The following GTF2IRD1 variants were observed in gnomAD, a reference collection of about 807,000 sequenced individuals.
GTF2IRD1 encodes the protein general transcription factor II-I repeat domain-containing protein 1.
GTF2IRD1 carries 26 observed loss-of-function variants against 113.2 expected under a neutral mutation model. The observed-to-expected ratio is 0.23, with a 90% CI of 0.17 to 0.32. The LOEUF (loss-of-function observed/expected upper bound fraction) is 0.32. Among genes scored for constraint, GTF2IRD1 ranks in the 10% least tolerant of loss-of-function variants. The probability of loss-of-function intolerance (pLI) is 1.00; values close to 1 mark genes in which losing one functional copy is unlikely to be tolerated. For synonymous variants in GTF2IRD1, 484 were observed against 529.1 expected (o/e 0.91, Z 1.17); for missense variants, 864 against 1,280.8 (o/e 0.67, Z 4.97).
At chr7:74,601,342 C>T in intron 26 of GTF2IRD1, 162 bp downstream of exon 26, 1 of 1,534,240 alleles carries the variant, frequency 6.5e-7, no homozygotes, top group Non-Finnish European at 8.7e-7. Flanking sequence ...ATCCACCTGT[C>T]TCACCCAAGA....
chr7:74,478,489 T>G (rs2117083361), intron 1 of GTF2IRD1, among the ~76,000 whole-genome samples: 1 of 152,286 alleles, frequency 6.6e-6, no homozygotes, highest in Non-Finnish European at 1.5e-5. Flanking sequence ...AGGGTCTTGC[T>G]CTGTCACCCA....
rs782445001 is a variant in GTF2IRD1, at chr7:74,545,802, A to G, written c.1725A>G (p.Thr575=). Residue 575 remains threonine (T), a synonymous_variant, in exon 16 of 27, where the codon ACA becomes ACG. Coordinates refer to ENST00000424337, the MANE Select transcript of GTF2IRD1 (RefSeq NM_005685.4). Reference sequence around the variant, plus strand: ...AGCAGGTGGAGCTGCTCTTCAACACACGATACGGTGAGCAAGAAGTGGGAC... The same window carrying G: ...AGCAGGTGGAGCTGCTCTTCAACACGCGATACGGTGAGCAAGAAGTGGGAC... ...LRKQVELLFN[T]RYAKAIGISE... 6.2e-7 allele frequency: 1 copy of G among 1,611,760 alleles called. No individual in the cohort carries two copies. The highest frequency in any genetic ancestry group is 1.1e-5 in the South Asian group (1 of 90,992).
intron 9 of GTF2IRD1, among the ~76,000 whole-genome samples, chr7:74,530,224 C>T (rs966017287): frequency 2.0e-5 from 3 of 151,820 alleles, no homozygotes; most frequent in Non-Finnish European, 2.9e-5. Flanking sequence ...AAGAGAGGTG[C>T]GGGTGGGCGT....
chr7:74,591,785 A>G (rs1802078934), intron 24 of GTF2IRD1, among the ~76,000 whole-genome samples: 1 of 151,628 alleles, frequency 6.6e-6, no homozygotes, highest in African/African-American at 2.4e-5. Flanking sequence ...CAGAGGTATG[A>G]TCATGGCCCA....
intron 25 of GTF2IRD1, among the ~76,000 whole-genome samples, chr7:74,598,375 G>C (rs1441717615): frequency 6.6e-6 from 1 of 151,652 alleles, no homozygotes; most frequent in East Asian, 1.9e-4. Flanking sequence ...CTGAGGCAGG[G>C]AGGCAGGTGG....
intron 22 of GTF2IRD1, among the ~76,000 whole-genome samples, chr7:74,577,723 C>T (rs2130916112): frequency 6.6e-6 from 1 of 151,986 alleles, no homozygotes; most frequent in Admixed American, 6.6e-5. Flanking sequence ...ACAGTCATAG[C>T]TTACTGCAGC....
chr7:74,558,343 G>GTTTTT (rs1562868915), intron 20 of GTF2IRD1, among the ~76,000 whole-genome samples: 8 of 74,002 alleles, frequency 1.1e-4, no homozygotes, highest in Non-Finnish European at 1.7e-4. Context: ...TTTTTCTTTC[G>GTTTTT]TTTCTTTTTT....
At position 74,555,701 on chromosome 7, in the gene GTF2IRD1, G is replaced by T. The variant is rs1157020138; in HGVS notation, c.2023+207G>T. Among the ~76,000 whole-genome samples the T allele has an allele frequency of 2.6e-5, 4 of 152,162 alleles. No homozygotes were observed. The highest frequency in any genetic ancestry group is 9.7e-5 in the African/African-American group (4 of 41,440). On this transcript the variant is annotated intron_variant, in intron 19 of 26. Coordinates refer to ENST00000424337, the MANE Select transcript of GTF2IRD1 (RefSeq NM_005685.4). The surrounding 1 kb of genome is among the most constrained non-coding windows in gnomAD (Gnocchi z 5.3). ...TCCAGGGGAGAGGGGGTGCCTACAG[G>T]TGGACGGTCGGGGGAGCCCAGGAGC... is the stretch of plus-strand genomic sequence containing the variant.
At chr7:74,588,091 TTTTTC>T (rs1283423032) in intron 22 of GTF2IRD1, among the ~76,000 whole-genome samples, 2 of 151,654 alleles carry the variant, frequency 1.3e-5, no homozygotes, top group African/African-American at 2.4e-5. Context: ...TCTTTTTCTT[TTTTTC>T]TTTTCTTTTC....
intron 4 of GTF2IRD1, among the ~76,000 whole-genome samples, chr7:74,517,425 ACCT>A (rs1797004521): frequency 3.5e-5 from 3 of 86,170 alleles, no homozygotes; most frequent in African/African-American, 5.0e-5. Flanking sequence ...TCCTCCCTAC[ACCT>A]TTTTTTTTTT....
chr7:74,507,396 C>G (rs1004637794), intron 1 of GTF2IRD1: 1 of 152,072 alleles, frequency 6.6e-6, no homozygotes, highest in Non-Finnish European at 1.5e-5. Flanking sequence ...CACTCGAACC[C>G]AGGAAGGGGA....
At chr7:74,481,215 C>A (rs911517198) in intron 1 of GTF2IRD1, among the ~76,000 whole-genome samples, 1 of 152,138 alleles carries the variant, frequency 6.6e-6, no homozygotes, top group Non-Finnish European at 1.5e-5. Context: ...AGTGCAGTGG[C>A]GCAATCCCAG....
chr7:74,482,397 T>A (rs1259423519), intron 1 of GTF2IRD1, among the ~76,000 whole-genome samples: 1 of 151,210 alleles, frequency 6.6e-6, no homozygotes, highest in Non-Finnish European at 1.5e-5. Context: ...ATGGCTAAAT[T>A]TTAAATTTTT....
At chr7:74,475,633 C>G (rs1189102832) in intron 1 of GTF2IRD1, among the ~76,000 whole-genome samples, 2 of 152,188 alleles carry the variant, frequency 1.3e-5, no homozygotes, top group African/African-American at 4.8e-5. Context: ...AATTGCACCA[C>G]CTGGCCAAGG....
intron 1 of GTF2IRD1, among the ~76,000 whole-genome samples, chr7:74,460,003 TCTCA>T (rs1458498213): frequency 3.8e-4 from 58 of 151,402 alleles, no homozygotes; most frequent in African/African-American, 1.4e-3. Flanking sequence ...TGAAATGAGG[TCTCA>T]CTCTGTCACC....
intron 9 of GTF2IRD1, among the ~76,000 whole-genome samples, chr7:74,533,253 G>A (rs1798080323): frequency 6.7e-6 from 1 of 149,686 alleles, no homozygotes; most frequent in South Asian, 2.1e-4. Context: ...TCCTGCCTCC[G>A]CCTCCCAAGT....
chr7:74,472,779 C>G (rs1177058261), intron 1 of GTF2IRD1, among the ~76,000 whole-genome samples: 1 of 151,974 alleles, frequency 6.6e-6, no homozygotes, highest in Non-Finnish European at 1.5e-5. Flanking sequence ...AATAATCAAT[C>G]AATCAATCCA....
intron 17 of GTF2IRD1, among the ~76,000 whole-genome samples, chr7:74,548,250 T>A (rs1799077271): frequency 6.6e-6 from 1 of 151,558 alleles, no homozygotes; most frequent in Non-Finnish European, 1.5e-5. Context: ...ACCCCGTCTC[T>A]ACTAAAAAAA....
At chr7:74,487,123 C>T (rs578169842) in intron 1 of GTF2IRD1, among the ~76,000 whole-genome samples, 24 of 152,304 alleles carry the variant, frequency 1.6e-4, no homozygotes, top group Admixed American at 1.4e-3. Flanking sequence ...CTGCAACCTC[C>T]GCCTCCCAGG....
Sources: allele counts gnomAD v4.1 joint callset (sites outside exome capture counted in the v4.1 genomes callset), GRCh38; gene constraint gnomAD v4.1.1; non-coding constraint Gnocchi (gnomAD v3.1); transcripts MANE v1.5; gene names NCBI Gene and HGNC (gene_info 2026-07-23, HGNC 2026-07-21).